Variants in ISM1 observed in about 807,000 individuals in gnomAD.
ISM1 encodes isthmin 1, also known as isthmin-1.
ISM1 carries 25 observed loss-of-function variants against 46.3 expected under a neutral mutation model. That is an observed-to-expected ratio of 0.54 (90% CI 0.39 to 0.75). The LOEUF (loss-of-function observed/expected upper bound fraction) is 0.75. Ranked by LOEUF, ISM1 falls within the 30% of genes least tolerant of loss-of-function variation. The pLI is 0.00. For synonymous variants in ISM1, 255 were observed against 256.7 expected (o/e 0.99, Z 0.06); for missense variants, 536 against 625.4 (o/e 0.86, Z 1.52).
intron 1 of ISM1, among the ~76,000 whole-genome samples, chr20:13,262,497 C>T (rs910601417): frequency 1.4e-5 from 2 of 147,848 alleles, no homozygotes; most frequent in South Asian, 4.3e-4. Flanking sequence ...ACTTTCCACT[C>T]GTGTACTCTG....
chr20:13,230,229 A>T (rs936658614), intron 1 of ISM1, among the ~76,000 whole-genome samples: 1 of 152,176 alleles, frequency 6.6e-6, no homozygotes. Flanking sequence ...TAATATCAGA[A>T]CATTTTTCCT....
chr20:13,246,131 G>A (rs2039790261), intron 1 of ISM1, among the ~76,000 whole-genome samples: 1 of 152,086 alleles, frequency 6.6e-6, no homozygotes, highest in Admixed American at 6.5e-5. Context: ...GAATTAGTCG[G>A]GCATGGTGGC....
intron 1 of ISM1, among the ~76,000 whole-genome samples, chr20:13,224,086 A>G (rs988669688): frequency 2.0e-5 from 3 of 152,082 alleles, no homozygotes; most frequent in Non-Finnish European, 4.4e-5. Context: ...ATTTAGAAAG[A>G]GTTATGCTCC....
At chr20:13,242,310 T>G (rs1172568510) in intron 1 of ISM1, among the ~76,000 whole-genome samples, 1 of 152,112 alleles carries the variant, frequency 6.6e-6, no homozygotes, top group African/African-American at 2.4e-5. Flanking sequence ...GACCAGAAAC[T>G]CCACAGAGCA....
At chr20:13,294,581 G>A (rs1416713034) in intron 5 of ISM1, among the ~76,000 whole-genome samples, 1 of 152,140 alleles carries the variant, frequency 6.6e-6, no homozygotes, top group African/African-American at 2.4e-5. Flanking sequence ...TAGACATGGT[G>A]TCTCAGTCAG....
intron 2 of ISM1, among the ~76,000 whole-genome samples, chr20:13,275,956 C>T (rs2040174556): frequency 6.6e-6 from 1 of 152,166 alleles, no homozygotes; most frequent in African/African-American, 2.4e-5. Flanking sequence ...CCTAGATTGG[C>T]GTGCTGCAAG....
chr20:13,280,009 T>C (rs2040221240), intron 3 of ISM1, 111 bp downstream of exon 3: 3 of 1,068,050 alleles, frequency 2.8e-6, no homozygotes, highest in Admixed American at 5.3e-5. Flanking sequence ...TTTGGTCTTC[T>C]GTGAGGCAAA....
At chr20:13,244,800 G>T (rs1359082271) in intron 1 of ISM1, among the ~76,000 whole-genome samples, 4 of 152,174 alleles carry the variant, frequency 2.6e-5, no homozygotes, top group African/African-American at 9.7e-5. Context: ...AAAAGGGAAA[G>T]GTGTGTTTCA....
At chr20:13,316,473 G>A in the ISM1 span, among the ~76,000 whole-genome samples, 5 of 151,742 alleles carry the variant, frequency 3.3e-5, no homozygotes, top group African/African-American at 1.2e-4. Context: ...ACCAAAACCA[G>A]ACAAAGCTAT....
chr20:13,275,873 G>A (rs566765832), intron 2 of ISM1, among the ~76,000 whole-genome samples: 53 of 152,264 alleles, frequency 3.5e-4, no homozygotes, highest in Non-Finnish European at 5.1e-4. Context: ...TGTTTACCTC[G>A]GGACCTTGAA....
At chr20:13,301,390 T>C (rs1211235717), downstream of ISM1, among the ~76,000 whole-genome samples, 1 of 152,186 alleles carries the variant, frequency 6.6e-6, no homozygotes, top group Non-Finnish European at 1.5e-5. Flanking sequence ...GGTTTCACCA[T>C]GTTGGCCAGG....
At chr20:13,250,156 A>C (rs1009514317) in intron 1 of ISM1, among the ~76,000 whole-genome samples, 10 of 152,192 alleles carry the variant, frequency 6.6e-5, no homozygotes, top group African/African-American at 2.4e-4. Context: ...CATGCCATGA[A>C]ACGACCACGT....
chr20:13,317,007 T>C, the ISM1 span, among the ~76,000 whole-genome samples: 1 of 151,948 alleles, frequency 6.6e-6, no homozygotes, highest in South Asian at 2.1e-4. Context: ...TAAAACTGTC[T>C]GTTCATGGAT....
At chr20:13,238,527 A>C (rs1449190117) in intron 1 of ISM1, among the ~76,000 whole-genome samples, 5 of 152,230 alleles carry the variant, frequency 3.3e-5, no homozygotes, top group Non-Finnish European at 2.9e-5. Context: ...ATCACTCCAC[A>C]TAATTCCAGT....
intron 3 of ISM1, 130 bp downstream of exon 3, chr20:13,280,028 A>T (rs2123282685): frequency 2.3e-6 from 2 of 863,932 alleles, no homozygotes; most frequent in South Asian, 3.6e-5. Flanking sequence ...AACCTCACAA[A>T]GGCTGTCTTC....
intron 1 of ISM1, among the ~76,000 whole-genome samples, chr20:13,223,969 T>A (rs748890653): frequency 6.6e-6 from 1 of 151,992 alleles, no homozygotes; most frequent in Non-Finnish European, 1.5e-5. Flanking sequence ...AGTAAGGTAA[T>A]GAGAGAAGCA....
At chr20:13,317,541 A>G in the ISM1 span, among the ~76,000 whole-genome samples, 22 of 152,224 alleles carry the variant, frequency 1.4e-4, no homozygotes, top group East Asian at 4.2e-3. Flanking sequence ...ACTCTAAGAC[A>G]TAATATAAAG....
intron 1 of ISM1, among the ~76,000 whole-genome samples, chr20:13,227,725 G>A (rs1475857293): frequency 6.6e-6 from 1 of 151,228 alleles, no homozygotes; most frequent in African/African-American, 2.4e-5. Flanking sequence ...AGCCAGGATG[G>A]TCTCGATCTC....
chr20:13,225,023 T>TTG (rs1357723091), intron 1 of ISM1, among the ~76,000 whole-genome samples: 1 of 150,582 alleles, frequency 6.6e-6, no homozygotes, highest in Non-Finnish European at 1.5e-5. Flanking sequence ...TTTTTTTTTT[T>TTG]TTTGTATTTT....
Sources: allele counts gnomAD v4.1 joint callset (sites outside exome capture counted in the v4.1 genomes callset), GRCh38; gene constraint gnomAD v4.1.1; transcripts MANE v1.5; gene names NCBI Gene and HGNC (gene_info 2026-07-23, HGNC 2026-07-21).